Variants in MINPP1 observed in about 807,000 individuals in gnomAD.
MINPP1 encodes the protein multiple inositol-polyphosphate phosphatase 1.
Under a neutral mutation model 46.1 loss-of-function variants are expected in MINPP1, and 28 were observed. That is an observed-to-expected ratio of 0.61 (90% CI 0.45 to 0.83). MINPP1 has a LOEUF of 0.83. Among genes scored for constraint, MINPP1 ranks in the 40% least tolerant of loss-of-function variants. The pLI is 0.00. For synonymous variants in MINPP1, 268 were observed against 249.1 expected, an observed-to-expected ratio of 1.08 and a Z score of -0.72; for missense variants, 603 against 610.0, an observed-to-expected ratio of 0.99 and a Z score of 0.12.
chr10:87,508,183 C>T, intron 1 of MINPP1, 153 bp from the exon 2 acceptor site: 1 of 1,545,656 alleles, frequency 6.5e-7, no homozygotes, highest in Non-Finnish European at 8.7e-7. Context: ...AATAATTTTA[C>T]CCCAAGAGTT....
intron 4 of MINPP1, among the ~76,000 whole-genome samples, chr10:87,522,420 T>C (rs10887726): frequency 0.38 from 57,942 of 152,072 alleles, 11,830 homozygotes; most frequent in Non-Finnish European, 0.47. Flanking sequence ...ATAATTCATA[T>C]GTAGGCATGT....
intron 4 of MINPP1, among the ~76,000 whole-genome samples, chr10:87,534,239 GAGAC>G (rs1851702476): frequency 6.6e-6 from 1 of 151,920 alleles, no homozygotes; most frequent in South Asian, 2.1e-4. Flanking sequence ...TTTTAGTAGA[GAGAC>G]AGGGTTTCGC....
At chr10:87,540,733 A>G (rs1851804400) in intron 4 of MINPP1, among the ~76,000 whole-genome samples, 2 of 152,190 alleles carry the variant, frequency 1.3e-5, no homozygotes, top group African/African-American at 4.8e-5. Context: ...GGCATATACT[A>G]ACTGGAGTTC....
chr10:87,545,193 A>C (rs1486914695), intron 4 of MINPP1, among the ~76,000 whole-genome samples: 1 of 152,150 alleles, frequency 6.6e-6, no homozygotes, highest in Non-Finnish European at 1.5e-5. Context: ...TTAGGGTTTC[A>C]TGTTGATAGC....
chr10:87,527,487 T>C (rs1311906016), intron 4 of MINPP1, among the ~76,000 whole-genome samples: 2 of 152,316 alleles, frequency 1.3e-5, no homozygotes, highest in Admixed American at 6.5e-5. Context: ...TGAAGGGCTG[T>C]TGAATTTTGT....
rs757088490 is a variant in MINPP1, at chr10:87,505,088, C to T, written c.173C>T (p.Pro58Leu). 23 of 1,613,652 alleles carry T rather than the reference C, an allele frequency of 1.4e-5. No homozygotes were observed. Among genetic ancestry groups the T allele is most frequent in the Non-Finnish European group, 1.8e-5 (21 of 1,179,916 alleles). Residue 58 changes from proline to leucine, a missense_variant, in exon 1 of 5, where the codon CCC becomes CTC. Physicochemically the swap from Pro to Leu is moderately conservative, Grantham distance 98. This residue lies in a region of MINPP1 where 239 missense variants were observed against 189.4 expected (regional missense o/e 1.26). Transcript: ENST00000371996. This position sits in a 1 kb window ranked among gnomAD's most constrained non-coding sequence, Gnocchi z 4.4. ...AAGACTCGCTACGAGGATGTCAACC[C>T]CGTGCTATTGTCGGGCCCCGAGGCT... is the stretch of plus-strand genomic sequence containing the variant. ...GTKTRYEDVN[P>L]VLLSGPEAPW...
Position 87,505,441 on chromosome 10 carries a change from C to T in MINPP1, c.526C>T (p.Arg176Cys), listed in dbSNP as rs753536996. 13 of 1,613,330 alleles carry T rather than the reference C, an allele frequency of 8.1e-6. No individual in the cohort carries two copies. The highest frequency in any genetic ancestry group is 1.7e-5 in the Admixed American group (1 of 59,984). ...CCTTTTCAGCCGTGAGAACTACGGC[C>T]GCCTGCGGCTCATCACCAGTTCCAA... ...PALFSRENYGRLRLITSSKHR... is the reference protein window; with the variant it reads ...PALFSRENYGCLRLITSSKHR... The change falls in exon 1 of 5, where the codon CGC becomes TGC. Residue 176 changes from arginine to cysteine, a missense_variant. This residue lies in a region of MINPP1 where 344 missense variants were observed against 381.1 expected (regional missense o/e 0.90). Coordinates refer to ENST00000371996, the MANE Select transcript of MINPP1 (RefSeq NM_004897.5). The surrounding 1 kb of genome is among the most constrained non-coding windows in gnomAD (Gnocchi z 4.4).
intron 3 of MINPP1, among the ~76,000 whole-genome samples, chr10:87,520,397 T>C (rs2131814150): frequency 6.6e-6 from 1 of 152,240 alleles, no homozygotes; most frequent in Non-Finnish European, 1.5e-5. Flanking sequence ...GGTATGTGTG[T>C]TTTCATGGAT....
intron 4 of MINPP1, among the ~76,000 whole-genome samples, chr10:87,545,907 T>A (rs1564683386): frequency 1.3e-5 from 2 of 152,352 alleles, no homozygotes; most frequent in Non-Finnish European, 2.9e-5. Flanking sequence ...GCATACACCC[T>A]TGTCTTTGTT....
chr10:87,517,672 T>C (rs1406073311), intron 3 of MINPP1, among the ~76,000 whole-genome samples: 2 of 152,232 alleles, frequency 1.3e-5, no homozygotes, highest in Non-Finnish European at 2.9e-5. Context: ...AGTTTGGGGC[T>C]ATTATGAACC....
At chr10:87,513,724 A>ACC (rs1250866481) in intron 3 of MINPP1, among the ~76,000 whole-genome samples, 1 of 151,786 alleles carries the variant, frequency 6.6e-6, no homozygotes, top group East Asian at 1.9e-4. Flanking sequence ...TTCCTTTATC[A>ACC]CTCTCTCTAC....
At chr10:87,524,154 G>A (rs1851542208) in intron 4 of MINPP1, among the ~76,000 whole-genome samples, 1 of 152,194 alleles carries the variant, frequency 6.6e-6, no homozygotes, top group Admixed American at 6.5e-5. Flanking sequence ...TTGAAAATCT[G>A]CTTAGTATAG....
intron 4 of MINPP1, among the ~76,000 whole-genome samples, chr10:87,540,538 C>T (rs928360750): frequency 3.3e-5 from 5 of 151,948 alleles, no homozygotes; most frequent in Admixed American, 1.3e-4. Context: ...TTCTTACTCC[C>T]TCATTCAGAC....
intron 4 of MINPP1, among the ~76,000 whole-genome samples, chr10:87,549,851 T>A (rs2131845797): frequency 6.6e-6 from 1 of 152,344 alleles, no homozygotes; most frequent in Admixed American, 6.5e-5. Context: ...GCTAAAGGAT[T>A]TAAAATGTAA....
In MINPP1 at chr10:87,551,619, TA is replaced by T. The variant is rs1851964082; in HGVS notation, c.1068-461del. On this transcript the variant is annotated intron_variant, in intron 4 of 4. Coordinates refer to ENST00000371996, the MANE Select transcript of MINPP1 (RefSeq NM_004897.5). The stretch of plus-strand genomic sequence containing the variant: ...ACCATGTAATCCTGTTCAGACTTGG[TA>T]AGACATTTACTGAATATTGCTTGTT... Among the ~76,000 whole-genome samples, 3 of 152,080 alleles carry T rather than the reference TA, an allele frequency of 2.0e-5. No homozygotes were observed. In the South Asian group the frequency reaches 6.2e-4, roughly 32 times the overall value.
At chr10:87,520,082 G>A (rs1378444908) in intron 3 of MINPP1, among the ~76,000 whole-genome samples, 1 of 151,550 alleles carries the variant, frequency 6.6e-6, no homozygotes, top group African/African-American at 2.4e-5. Flanking sequence ...GTGTGTGTTG[G>A]TAATAAATGG....
chr10:87,525,613 T>C (rs1851565120), intron 4 of MINPP1, among the ~76,000 whole-genome samples: 1 of 152,366 alleles, frequency 6.6e-6, no homozygotes. Context: ...TTGTTACATA[T>C]GTATACATGT....
At chr10:87,545,625 A>G (rs61853085) in intron 4 of MINPP1, among the ~76,000 whole-genome samples, 20,278 of 152,180 alleles carry the variant, frequency 0.13, 1,479 homozygotes, top group Middle Eastern at 0.18. Flanking sequence ...CTTAGAAATG[A>G]CCAAACTCAT....
chr10:87,520,593 G>C lies in MINPP1; in HGVS notation c.934-443G>C, dbSNP rs149167817. Among the ~76,000 whole-genome samples, 1,185 of 151,434 alleles carry C rather than the reference G, an allele frequency of 7.8e-3. 11 individuals are homozygous for C. The highest frequency in any genetic ancestry group is 0.013 in the Non-Finnish European group (909 of 67,828). On this transcript the variant is annotated intron_variant, in intron 3 of 4. Coordinates refer to ENST00000371996, the MANE Select transcript of MINPP1 (RefSeq NM_004897.5). ...TCTTATACATTTCTCATCCACCTAT[G>C]GTATCTTTCTGTGCTTTAATGAATA...
Sources: gnomAD v4.1 joint callset for allele counts (sites outside exome capture counted in the v4.1 genomes callset) on GRCh38, gnomAD v4.1.1 for gene constraint, gnomAD v4.1.1 regional missense constraint, Gnocchi (gnomAD v3.1) non-coding constraint, MANE v1.5 for transcripts, NCBI Gene and HGNC (gene_info 2026-07-23, HGNC 2026-07-21) for gene names.